The following OSBPL1A variants were observed in gnomAD, a reference collection of about 807,000 sequenced individuals.
OSBPL1A encodes oxysterol-binding protein-related protein 1.
OSBPL1A carries 80 observed loss-of-function variants against 137.1 expected under a neutral mutation model. The ratio of observed to expected loss-of-function variants is 0.58; its 90% CI spans 0.49 to 0.70. The LOEUF is 0.70. Ranked by LOEUF, OSBPL1A falls within the 30% of genes least tolerant of loss-of-function variation. The probability of loss-of-function intolerance (pLI) is 0.00; values close to 1 mark genes in which losing one functional copy is unlikely to be tolerated. For missense variants in OSBPL1A, 970 were observed against 1,129.4 expected, an observed-to-expected ratio of 0.86 and a Z score of 2.02; for synonymous variants, 365 against 389.7, an observed-to-expected ratio of 0.94 and a Z score of 0.75.
chr18:24,336,520 C>T (rs1484026683), intron 5 of OSBPL1A, among the ~76,000 whole-genome samples: 4 of 152,066 alleles, frequency 2.6e-5, no homozygotes, highest in Non-Finnish European at 4.4e-5. Flanking sequence ...ATGTGTTCTA[C>T]AGAAATCGTT....
At chr18:24,290,292 A>AG (rs1263793926) in intron 14 of OSBPL1A, among the ~76,000 whole-genome samples, 1 of 152,210 alleles carries the variant, frequency 6.6e-6, no homozygotes, top group African/African-American at 2.4e-5. Flanking sequence ...AACAAACAAA[A>AG]GGCAAGGCTG....
intron 15 of OSBPL1A, among the ~76,000 whole-genome samples, chr18:24,279,464 T>C (rs2089914014): frequency 6.6e-6 from 1 of 151,962 alleles, no homozygotes; most frequent in African/African-American, 2.4e-5. Context: ...TAAGGATCCC[T>C]TTCTAGTCAT....
intron 15 of OSBPL1A, among the ~76,000 whole-genome samples, chr18:24,279,910 G>A (rs2089923315): frequency 6.6e-6 from 1 of 151,924 alleles, no homozygotes; most frequent in Non-Finnish European, 1.5e-5. Flanking sequence ...TGCAATCTTG[G>A]CTCACTGCAG....
At chr18:24,191,399 T>A (rs558893560) in intron 18 of OSBPL1A, among the ~76,000 whole-genome samples, 1 of 152,240 alleles carries the variant, frequency 6.6e-6, no homozygotes, top group Admixed American at 6.5e-5. Context: ...TCTATTAATA[T>A]GAGCAAAGCT....
At chr18:24,192,697 A>G (rs2086919843) in intron 18 of OSBPL1A, among the ~76,000 whole-genome samples, 1 of 152,196 alleles carries the variant, frequency 6.6e-6, no homozygotes, top group African/African-American at 2.4e-5. Context: ...GGCTGCAGAC[A>G]CGGGGGGCCA....
intron 1 of OSBPL1A, among the ~76,000 whole-genome samples, chr18:24,390,688 C>G (rs139858804): frequency 0.27 from 29,805 of 109,462 alleles, 4,185 homozygotes; most frequent in Non-Finnish European, 0.32. Context: ...GAGTGCGACT[C>G]CGTCTCAAAA....
rs115922264 is a variant in OSBPL1A at position 24,222,375 on chromosome 18, C to T, written c.1601+2667G>A. On this transcript the variant is annotated intron_variant, in intron 17 of 27. Coordinates refer to ENST00000319481, the MANE Select transcript of OSBPL1A (RefSeq NM_080597.4). ...TTAGTATCATCTACCCTGTATTTGG[C>T]GGCAAGGTTGAAGTAAATATCAGTA... is the stretch of plus-strand genomic sequence containing the variant. Among the ~76,000 whole-genome samples, 1,151 of 152,074 alleles carry T rather than the reference C, an allele frequency of 7.6e-3. 13 individuals are homozygous for T. The highest frequency in any genetic ancestry group is 0.027 in the African/African-American group (1,113 of 41,506).
At chr18:24,392,439 G>A (rs1180002924) in intron 1 of OSBPL1A, among the ~76,000 whole-genome samples, 2 of 152,126 alleles carry the variant, frequency 1.3e-5, no homozygotes, top group African/African-American at 4.8e-5. Context: ...GATTACAGGC[G>A]TGAGCCACCA....
intron 5 of OSBPL1A, among the ~76,000 whole-genome samples, chr18:24,340,576 G>A (rs999538979): frequency 6.6e-6 from 1 of 152,130 alleles, no homozygotes; most frequent in Non-Finnish European, 1.5e-5. Context: ...AGGCCAAGGT[G>A]GGAAGATCAC....
intron 14 of OSBPL1A, among the ~76,000 whole-genome samples, chr18:24,288,629 A>G (rs1021095853): frequency 6.6e-6 from 1 of 151,796 alleles, no homozygotes; most frequent in Admixed American, 6.6e-5. Flanking sequence ...TTAGCTGGGC[A>G]TGGTGGCACA....
intron 4 of OSBPL1A, among the ~76,000 whole-genome samples, chr18:24,355,041 G>A (rs2091508974): frequency 6.6e-6 from 1 of 152,142 alleles, no homozygotes; most frequent in Admixed American, 6.6e-5. Flanking sequence ...GGTCCACAGT[G>A]GCATTCTCAC....
chr18:24,338,730 T>C (rs2091223760), intron 5 of OSBPL1A, among the ~76,000 whole-genome samples: 1 of 152,174 alleles, frequency 6.6e-6, no homozygotes, highest in African/African-American at 2.4e-5. Context: ...GTTTGTTTTT[T>C]TGAGACGGAG....
intron 20 of OSBPL1A, chr18:24,179,387 A>G (rs2086535705): frequency 4.2e-6 from 1 of 238,754 alleles, no homozygotes; most frequent in Non-Finnish European, 8.3e-6. Flanking sequence ...ACATGTATAG[A>G]TATGTAACTA....
intron 21 of OSBPL1A, among the ~76,000 whole-genome samples, chr18:24,176,166 A>G (rs1387966795): frequency 1.3e-5 from 2 of 152,236 alleles, no homozygotes; most frequent in African/African-American, 2.4e-5. Flanking sequence ...TTCGTAAGTT[A>G]GAATCAACTT....
At chr18:24,366,527 A>G (rs2091703250) in intron 4 of OSBPL1A, 1 of 162,814 alleles carries the variant, frequency 6.1e-6, no homozygotes, top group African/African-American at 2.4e-5. Context: ...GTACAAGGTC[A>G]AAGACCAAAT....
Position 24,166,616 on chromosome 18 carries a change from T to C in OSBPL1A, c.2622A>G (p.Leu874=). ...ESVIPKTDCR[L]RPDIRAMENG... is the part of the protein sequence containing the mutation. ...TTTCCATGGCTCTGATGTCAGGCCG[T>C]AACCTGCAGTCTGTCTTGGGAATCA... is the stretch of plus-strand genomic sequence containing the variant. The change falls in exon 26 of 28, where the codon TTA becomes TTG. Residue 874 remains leucine (L), a synonymous_variant. Coordinates refer to ENST00000319481, the MANE Select transcript of OSBPL1A (RefSeq NM_080597.4). 6.2e-7 allele frequency: 1 copy of C among 1,613,380 alleles called. No individual in the cohort carries two copies. Among genetic ancestry groups the C allele is most frequent in the Non-Finnish European group, 8.5e-7 (1 of 1,179,770 alleles).
At chr18:24,328,472 T>C (rs1182721517) in intron 7 of OSBPL1A, among the ~76,000 whole-genome samples, 4 of 152,124 alleles carry the variant, frequency 2.6e-5, no homozygotes, top group African/African-American at 7.2e-5. Context: ...CATGGGTTGA[T>C]TTCTGAATTC....
At chr18:24,349,618 C>T (rs1409876816) in intron 4 of OSBPL1A, among the ~76,000 whole-genome samples, 1 of 151,960 alleles carries the variant, frequency 6.6e-6, no homozygotes, top group African/African-American at 2.4e-5. Flanking sequence ...AGGGGCTAGC[C>T]TCTTCCTGGC....
intron 7 of OSBPL1A, among the ~76,000 whole-genome samples, chr18:24,329,505 G>A (rs1405380294): frequency 4.8e-5 from 7 of 146,512 alleles, no homozygotes; most frequent in East Asian, 2.0e-4. Flanking sequence ...AGTCGAGATC[G>A]CGCCACTGCA....
Sources: allele counts gnomAD v4.1 joint callset (sites outside exome capture counted in the v4.1 genomes callset), GRCh38; gene constraint gnomAD v4.1.1; transcripts MANE v1.5; gene names NCBI Gene and HGNC (gene_info 2026-07-23, HGNC 2026-07-21).